The following CELF2 variants were observed in gnomAD, a reference collection of about 807,000 sequenced individuals.
CELF2 encodes the protein CUGBP Elav-like family member 2, also known as CUG triplet repeat RNA-binding protein 2.
A neutral mutation model predicts 62.6 loss-of-function variants in CELF2; 8 were observed. The ratio of observed to expected loss-of-function variants is 0.13; its 90% confidence interval spans 0.07 to 0.23. The LOEUF (loss-of-function observed/expected upper bound fraction) is 0.23. CELF2 is among the 10% of genes least tolerant of loss of function. The pLI is 1.00. For missense variants in CELF2, 333 were observed against 671.0 expected, an observed-to-expected ratio of 0.50 and a Z score of 5.56; for synonymous variants, 258 against 250.0, an observed-to-expected ratio of 1.03 and a Z score of -0.30.
In CELF2 at chr10:11,010,475, G is replaced by T. The variant is rs948683474; in HGVS notation, c.53+5035G>T. The stretch of plus-strand genomic sequence containing the variant: ...GGGTGTTGAAATAAGGAATAAAAAT[G>T]AAACTTATTAACAATCTACCTGGCA... On this transcript the variant is annotated intron_variant, in intron 1 of 12. Coordinates refer to the CELF2 transcript ENST00000416382. The surrounding 1 kb of genome is among the most constrained non-coding windows in gnomAD (Gnocchi z 4.1). Among the ~76,000 whole-genome samples, 7 of 152,146 alleles carry T rather than the reference G, an allele frequency of 4.6e-5. No homozygotes were observed. The highest frequency in any genetic ancestry group is 7.2e-5 in the African/African-American group (3 of 41,428).
intron 1 of CELF2, among the ~76,000 whole-genome samples, chr10:11,130,828 T>C (rs2059510886): frequency 6.6e-6 from 1 of 152,204 alleles, no homozygotes; most frequent in Non-Finnish European, 1.5e-5. Flanking sequence ...TCATTACTAG[T>C]TTATACACAA....
At chr10:11,194,422 T>A (rs944873640) in intron 2 of CELF2, among the ~76,000 whole-genome samples, 1 of 152,212 alleles carries the variant, frequency 6.6e-6, no homozygotes, top group African/African-American at 2.4e-5. Flanking sequence ...AAATTCAAAA[T>A]TTTTAAATGA....
chr10:10,516,662 C>T, the CELF2 span, among the ~76,000 whole-genome samples: 4 of 151,496 alleles, frequency 2.6e-5, no homozygotes, highest in East Asian at 1.9e-4. Context: ...TAATTACCCT[C>T]GGGGGTCCTG....
rs1211240676 is a variant in CELF2 at position 11,157,577 on chromosome 10, G to A, written c.75-7909G>A. Among the ~76,000 whole-genome samples the A allele has an allele frequency of 1.3e-5, 2 of 152,092 alleles. No individual in the cohort carries two copies. Among genetic ancestry groups the A allele is most frequent in the Non-Finnish European group, 2.9e-5 (2 of 68,010 alleles). On this transcript the variant is annotated intron_variant, in intron 1 of 12. Coordinates refer to ENST00000633077, the MANE Select transcript of CELF2 (RefSeq NM_001326342.2). The surrounding 1 kb of genome is among the most constrained non-coding windows in gnomAD (Gnocchi z 4.9). Reference sequence around the variant, plus strand: ...GGTTTTGGTTTTATGTTGTGTCCATGTCTGTCTCTTCTAATTGGCCATGAG... The same window carrying A: ...GGTTTTGGTTTTATGTTGTGTCCATATCTGTCTCTTCTAATTGGCCATGAG...
At position 11,256,664 on chromosome 10, in the gene CELF2, T is replaced by TAAAAAAAAAAAAAAA. The variant is rs1565589949; in HGVS notation, c.404-1074_404-1073insAAAAAAAAAAAAAAA. Among the ~76,000 whole-genome samples the TAAAAAAAAAAAAAAA allele has an allele frequency of 2.8e-5, 2 of 71,746 alleles. 1 individual carries two copies. The allele number at this position is 71,746 out of a possible 152,430, so 47.1% of individuals were successfully genotyped here. A position where few individuals can be genotyped will look rare whatever the true frequency, so the allele number is the denominator to read the frequency against. On this transcript the variant is annotated intron_variant, in intron 4 of 12. Transcript: ENST00000633077. ...CTCCCCGTGGGTGTCTGTGATGTCC[T>TAAAAAAAAAAAAAAA]TAAAAAAAAAAAAAAAAAAGGCACC...
At chr10:11,030,230 A>G (rs370793012) in intron 1 of CELF2, 1 of 152,356 alleles carries the variant, frequency 6.6e-6, no homozygotes, top group Non-Finnish European at 1.5e-5. Flanking sequence ...AGGATATACC[A>G]TGGGCCAGCC....
intron 2 of CELF2, chr10:10,948,532 A>G (rs1248564076): frequency 3.3e-5 from 5 of 151,990 alleles, no homozygotes; most frequent in Non-Finnish European, 1.5e-5. Context: ...GCTTTATATA[A>G]ATTTGTGGGC....
At chr10:11,131,172 G>T (rs941595759) in intron 1 of CELF2, among the ~76,000 whole-genome samples, 5 of 152,210 alleles carry the variant, frequency 3.3e-5, no homozygotes, top group African/African-American at 9.7e-5. Flanking sequence ...TGAATTGGGC[G>T]TGATATCGAT....
the CELF2 span, among the ~76,000 whole-genome samples, chr10:10,768,653 A>C: frequency 6.6e-6 from 1 of 150,658 alleles, no homozygotes; most frequent in Non-Finnish European, 1.5e-5. Context: ...AGCTCACTGC[A>C]ACTTCTGCCT....
intron 1 of CELF2, among the ~76,000 whole-genome samples, chr10:10,906,370 G>A (rs1212887521): frequency 3.9e-5 from 6 of 152,184 alleles, no homozygotes; most frequent in Non-Finnish European, 8.8e-5. Context: ...CCAGCACTTT[G>A]CGCCAGCCAC....
At chr10:11,099,905 GA>G (rs2051032618) in intron 1 of CELF2, among the ~76,000 whole-genome samples, 1 of 141,368 alleles carries the variant, frequency 7.1e-6, no homozygotes, top group Non-Finnish European at 1.5e-5. Flanking sequence ...AAAAAAAACA[GA>G]AAAAACAGCT....
chr10:10,560,398 T>C, the CELF2 span, among the ~76,000 whole-genome samples: 1 of 152,198 alleles, frequency 6.6e-6, no homozygotes, highest in Non-Finnish European at 1.5e-5. Context: ...TTACCAACCA[T>C]CTAATGTTTC....
the CELF2 span, among the ~76,000 whole-genome samples, chr10:10,611,593 A>G: frequency 6.6e-6 from 1 of 152,146 alleles, no homozygotes; most frequent in Non-Finnish European, 1.5e-5. Flanking sequence ...CAAATCCAAC[A>G]TGATTGAAAA....
the CELF2 span, among the ~76,000 whole-genome samples, chr10:10,691,443 TG>T: frequency 6.8e-6 from 1 of 148,062 alleles, no homozygotes; most frequent in African/African-American, 2.5e-5. Context: ...TCTTTGCTAT[TG>T]TGAATAATGC....
chr10:11,065,065 A>G (rs746638266), intron 1 of CELF2, among the ~76,000 whole-genome samples: 1 of 152,218 alleles, frequency 6.6e-6, no homozygotes, highest in Non-Finnish European at 1.5e-5. Flanking sequence ...CTATCAAAGC[A>G]ATCAAGCAGT....
At chr10:11,259,592 T>C (rs2079863962) in intron 5 of CELF2, among the ~76,000 whole-genome samples, 1 of 152,186 alleles carries the variant, frequency 6.6e-6, no homozygotes, top group Admixed American at 6.5e-5. Flanking sequence ...TATCCGGGGC[T>C]CCTCTGCGGT....
At chr10:10,943,698 C>T (rs1383873191) in intron 2 of CELF2, among the ~76,000 whole-genome samples, 1 of 152,028 alleles carries the variant, frequency 6.6e-6, no homozygotes, top group Non-Finnish European at 1.5e-5. Flanking sequence ...TCTCGGGTTC[C>T]AGCAATTCTC....
the CELF2 span, among the ~76,000 whole-genome samples, chr10:10,677,004 A>G: frequency 2.0e-5 from 3 of 152,218 alleles, no homozygotes; most frequent in Non-Finnish European, 4.4e-5. Flanking sequence ...TCCATTTATT[A>G]ACAATGTAAA....
rs867367881 is a variant in CELF2 at position 11,331,347 on chromosome 10, A to G, written c.*2294A>G. On this transcript the variant is annotated 3_prime_UTR_variant, in exon 13 of 13. Transcript: ENST00000633077. Reference sequence around the variant, plus strand: ...CTTAAAAAAAATTTCATGTGAGGGAAAAAAAAAAAACCTATTCCAGAATAA... The same window carrying G: ...CTTAAAAAAAATTTCATGTGAGGGAGAAAAAAAAAACCTATTCCAGAATAA... 4 of 148,758 alleles carry G rather than the reference A, an allele frequency of 2.7e-5. No homozygotes were observed. The highest frequency in any genetic ancestry group is 3.6e-3 in the Middle Eastern group (1 of 280). 9.2% of individuals were successfully genotyped at this position (148,758 alleles called of 1,614,324 possible). A position where few individuals can be genotyped will look rare whatever the true frequency, so the allele number is the denominator to read the frequency against.
Sources: allele counts gnomAD v4.1 joint callset (sites outside exome capture counted in the v4.1 genomes callset), GRCh38; gene constraint gnomAD v4.1.1; non-coding constraint Gnocchi (gnomAD v3.1); transcripts MANE v1.5; gene names NCBI Gene and HGNC (gene_info 2026-07-23, HGNC 2026-07-21).